ME1: variants seen among roughly 807,000 people sequenced by gnomAD.
ME1 encodes the protein NADP-dependent malic enzyme.
In ME1, 74 loss-of-function variants were observed where a neutral mutation model predicts 66.4. The observed-to-expected ratio is 1.11, with a 90% CI of 0.92 to 1.35. The LOEUF is 1.35. Ranked by LOEUF, ME1 falls within the 40% of genes most tolerant of loss-of-function variation. ME1 has a pLI of 0.00. For synonymous variants in ME1, 251 were observed against 235.6 expected (o/e 1.07, Z -0.60); for missense variants, 750 against 694.1 (o/e 1.08, Z -0.90).
At chr6:83,306,420 G>C (rs1201402636) in intron 6 of ME1, among the ~76,000 whole-genome samples, 3 of 151,824 alleles carry the variant, frequency 2.0e-5, no homozygotes, top group Non-Finnish European at 4.4e-5. Flanking sequence ...AATAAATTCA[G>C]ATAAAATATT....
At chr6:83,292,812 C>G (rs1767528802) in intron 6 of ME1, among the ~76,000 whole-genome samples, 1 of 152,102 alleles carries the variant, frequency 6.6e-6, no homozygotes, top group South Asian at 2.1e-4. Context: ...TTTGCTTACA[C>G]TGTGAGCATA....
intron 6 of ME1, among the ~76,000 whole-genome samples, chr6:83,307,523 A>G (rs558077997): frequency 1.5e-4 from 23 of 152,300 alleles, no homozygotes; most frequent in African/African-American, 4.6e-4. Flanking sequence ...TCTTATGAAA[A>G]GCAAAGTAAC....
Position 83,287,173 on chromosome 6 carries a change from A to G in ME1, c.704+28137T>C, listed in dbSNP as rs185247584. ...CATCATAATCTTTTTTTAAAATTATACTTGAAGTTCTGGGTTACATGTGCA... is the reference window on the plus strand; with the variant it reads ...CATCATAATCTTTTTTTAAAATTATGCTTGAAGTTCTGGGTTACATGTGCA... On this transcript the variant is annotated intron_variant, in intron 6 of 13. Coordinates refer to ENST00000369705, the MANE Select transcript of ME1 (RefSeq NM_002395.6). 9.7e-4 allele frequency among the ~76,000 whole-genome samples: 147 copies of G among 152,274 alleles called. 1 individual carries two copies. The highest frequency in any genetic ancestry group is 2.2e-3 in the Admixed American group (33 of 15,288).
rs566436594 is a variant in ME1, at chr6:83,281,707, G to A, written c.705-27969C>T. The stretch of plus-strand genomic sequence containing the variant: ...TATAATTCCAGCTACTCGGGAGGCT[G>A]AGGCATGAGAATCACCTGAACCTGG... On this transcript the variant is annotated intron_variant, in intron 6 of 13. Coordinates refer to ENST00000369705, the MANE Select transcript of ME1 (RefSeq NM_002395.6). Among the ~76,000 whole-genome samples, 6 of 147,542 alleles carry A rather than the reference G, an allele frequency of 4.1e-5. No homozygotes were observed. In the South Asian group the frequency reaches 1.3e-3, roughly 32 times the overall value.
At chr6:83,347,184 C>CGG (rs1768703953) in intron 4 of ME1, among the ~76,000 whole-genome samples, 1 of 152,108 alleles carries the variant, frequency 6.6e-6, no homozygotes, top group Non-Finnish European at 1.5e-5. Context: ...AAACTCCTGA[C>CGG]CTCGTGATCC....
intron 6 of ME1, among the ~76,000 whole-genome samples, chr6:83,296,433 TA>T (rs1767599517): frequency 6.6e-6 from 1 of 152,186 alleles, no homozygotes; most frequent in Non-Finnish European, 1.5e-5. Flanking sequence ...ATTATCTCAA[TA>T]GATGCAGAAA....
At chr6:83,312,957 A>G (rs768264588) in intron 6 of ME1, among the ~76,000 whole-genome samples, 5 of 152,092 alleles carry the variant, frequency 3.3e-5, no homozygotes, top group Non-Finnish European at 5.9e-5. Context: ...GGGTTTCGCC[A>G]TGCTGGCCAG....
At chr6:83,378,102 G>A (rs578200565) in intron 3 of ME1, among the ~76,000 whole-genome samples, 32 of 151,826 alleles carry the variant, frequency 2.1e-4, no homozygotes, top group African/African-American at 6.5e-4. Context: ...TAAAGGACAC[G>A]AGCCCTCCAC....
At chr6:83,244,235 C>T in intron 7 of ME1, among the ~76,000 whole-genome samples, 1 of 151,998 alleles carries the variant, frequency 6.6e-6, no homozygotes. Context: ...GGAAGATTAC[C>T]TAAGGAAATG....
intron 9 of ME1, 29 bp downstream of exon 9, chr6:83,237,688 T>A: frequency 7.4e-7 from 1 of 1,342,668 alleles, no homozygotes; most frequent in Non-Finnish European, 1.0e-6. Flanking sequence ...TAGTTATCTT[T>A]ATTCTGGTTA....
intron 1 of ME1, among the ~76,000 whole-genome samples, chr6:83,414,274 TACAA>T (rs1479976774): frequency 1.1e-4 from 17 of 152,094 alleles, no homozygotes; most frequent in South Asian, 2.1e-4. Flanking sequence ...CATTTAACTA[TACAA>T]ACAAATTCTT....
intron 3 of ME1, among the ~76,000 whole-genome samples, chr6:83,370,448 T>C (rs1004865420): frequency 6.6e-6 from 1 of 152,156 alleles, no homozygotes; most frequent in African/African-American, 2.4e-5. Flanking sequence ...TATGACATAA[T>C]AGAGAGGAAA....
At chr6:83,421,047 G>A (rs1476039896) in intron 1 of ME1, among the ~76,000 whole-genome samples, 2 of 152,032 alleles carry the variant, frequency 1.3e-5, no homozygotes, top group African/African-American at 4.8e-5. Flanking sequence ...AGCCAAGAGA[G>A]GGAACCCCAA....
At chr6:83,311,611 C>A (rs1234785553) in intron 6 of ME1, among the ~76,000 whole-genome samples, 1 of 152,088 alleles carries the variant, frequency 6.6e-6, no homozygotes. Flanking sequence ...AGAAAACACA[C>A]CATTTCCCAA....
intron 5 of ME1, among the ~76,000 whole-genome samples, chr6:83,321,308 C>G (rs1768168500): frequency 6.6e-6 from 1 of 152,120 alleles, no homozygotes; most frequent in Non-Finnish European, 1.5e-5. Context: ...CGAGACAGAA[C>G]CATTCACACC....
intron 9 of ME1, among the ~76,000 whole-genome samples, chr6:83,234,816 T>C (rs899227933): frequency 2.6e-5 from 4 of 152,156 alleles, no homozygotes; most frequent in African/African-American, 9.7e-5. Flanking sequence ...GCCCTTCATC[T>C]CTTATCATCT....
At chr6:83,360,726 C>T (rs1768993128) in intron 3 of ME1, among the ~76,000 whole-genome samples, 1 of 152,236 alleles carries the variant, frequency 6.6e-6, no homozygotes, top group Non-Finnish European at 1.5e-5. Context: ...TTTCCTACCA[C>T]ATCCCCGTTC....
At chr6:83,350,315 T>C (rs1419491096) in intron 4 of ME1, among the ~76,000 whole-genome samples, 3 of 152,178 alleles carry the variant, frequency 2.0e-5, no homozygotes, top group Non-Finnish European at 4.4e-5. Context: ...AAGTAGCTTA[T>C]GAATAAAGTT....
chr6:83,418,937 T>C (rs1423395129), intron 1 of ME1, among the ~76,000 whole-genome samples: 1 of 152,018 alleles, frequency 6.6e-6, no homozygotes, highest in African/African-American at 2.4e-5. Flanking sequence ...AGGTGAAAAG[T>C]TGGGGGTAGG....
Sources: gnomAD v4.1 joint callset for allele counts (sites outside exome capture counted in the v4.1 genomes callset) on GRCh38, gnomAD v4.1.1 for gene constraint, MANE v1.5 for transcripts, NCBI Gene and HGNC (gene_info 2026-07-23, HGNC 2026-07-21) for gene names.